CORO7: variants seen among roughly 807,000 people sequenced by gnomAD.
The protein encoded by CORO7 is coronin 7, also known as coronin-7.
In CORO7, 107 loss-of-function variants were observed where a neutral mutation model predicts 126.6. The observed-to-expected ratio is 0.85, with a 90% confidence interval of 0.72 to 0.99. The LOEUF (loss-of-function observed/expected upper bound fraction) is 0.99, where lower values mean the gene tolerates loss of function less well. Among genes scored for constraint, CORO7 ranks in the 50% least tolerant of loss-of-function variants. The pLI, the probability that CORO7 is intolerant of heterozygous loss-of-function variation, is 0.00. For missense variants in CORO7, 1,314 were observed against 1,255.8 expected (o/e 1.05, Z -0.70); for synonymous variants, 603 against 536.8 (o/e 1.12, Z -1.70).
intron 9 of CORO7, among the ~76,000 whole-genome samples, chr16:4,366,164 C>T (rs556019103): frequency 2.1e-3 from 326 of 152,334 alleles, no homozygotes; most frequent in Non-Finnish European, 3.8e-3. Context: ...GGGGCTCCTC[C>T]GGCCGCTGGG....
At chr16:4,397,073 T>TA (rs1224397191) in intron 6 of CORO7, among the ~76,000 whole-genome samples, 11 of 140,598 alleles carry the variant, frequency 7.8e-5, no homozygotes, top group African/African-American at 2.4e-4. Flanking sequence ...CCAGTACAGA[T>TA]AAAAAAAACT....
chr16:4,388,002 A>G lies in CORO7; in HGVS notation c.769T>C (p.Leu257=). ...AGCTCCTACCCAAGCGAGGTGTCCA[A>G]GGTGAGGGAGGCCAGGGCGCTGGAG... is the stretch of plus-strand genomic sequence containing the variant. ...FFSSALASLT[L]DTSLGCLVPL... is the part of the protein sequence containing the mutation. Residue 257 remains leucine (L), a synonymous_variant, in exon 9 of 28, where the codon TTG becomes CTG. Coordinates refer to ENST00000251166, the MANE Select transcript of CORO7 (RefSeq NM_024535.5). 6.2e-7 allele frequency: 1 copy of G among 1,613,102 alleles called. No individual in the cohort carries two copies. The highest frequency in any genetic ancestry group is 8.5e-7 in the Non-Finnish European group (1 of 1,179,906).
rs761783958 is a variant in CORO7, at chr16:4,408,254, G to C, written c.233-3C>G. 6.2e-7 allele frequency: 1 copy of C among 1,614,244 alleles called. No homozygotes were observed. Among genetic ancestry groups the C allele is most frequent in the Non-Finnish European group, 8.5e-7 (1 of 1,180,046 alleles). On this transcript the variant is annotated splice_polypyrimidine_tract_variant and splice_region_variant and intron_variant, in intron 3 of 27. Coordinates refer to ENST00000251166, the MANE Select transcript of CORO7 (RefSeq NM_024535.5). ...GAAGTCCAAGTCGGTGACTAGGTCTGTGGGAGAGGAATGGCTGAACCCACC... is the reference window on the plus strand; with the variant it reads ...GAAGTCCAAGTCGGTGACTAGGTCTCTGGGAGAGGAATGGCTGAACCCACC...
chr16:4,403,430 C>T (rs1013884630), intron 6 of CORO7, among the ~76,000 whole-genome samples: 6 of 152,148 alleles, frequency 3.9e-5, no homozygotes, highest in East Asian at 1.9e-4. Flanking sequence ...GGCAATGCTG[C>T]GTCCCCGCAG....
Position 4,408,428 on chromosome 16 carries a change from T to C in CORO7, c.233-177A>G, listed in dbSNP as rs760886531. 1.6e-4 allele frequency among the ~76,000 whole-genome samples: 25 copies of C among 152,226 alleles called. 1 individual carries two copies. The highest frequency in any genetic ancestry group is 2.1e-4 in the Non-Finnish European group (14 of 68,000). On this transcript the variant is annotated intron_variant, in intron 3 of 27. Transcript: ENST00000251166. ...CCACAGGCCCCTCCTGCGACATACG[T>C]CCCCGAGGGCCCTGCTGACCCAGGG...
intron 26 of CORO7, 85 bp from the exon 27 acceptor site, chr16:4,355,457 T>G: frequency 7.1e-7 from 1 of 1,412,382 alleles, no homozygotes; most frequent in Non-Finnish European, 9.5e-7. Flanking sequence ...CTGACAAGGC[T>G]GTGAAAAGAA....
At chr16:4,406,861 G>T (rs916876343) in intron 5 of CORO7, among the ~76,000 whole-genome samples, 1 of 151,380 alleles carries the variant, frequency 6.6e-6, no homozygotes, top group Non-Finnish European at 1.5e-5. Flanking sequence ...GGCTAGTCTC[G>T]AACTCCTGAC....
At chr16:4,406,364 T>G (rs376014933) in intron 5 of CORO7, among the ~76,000 whole-genome samples, 3 of 152,188 alleles carry the variant, frequency 2.0e-5, no homozygotes, top group East Asian at 3.9e-4. Context: ...GGTGTGATCA[T>G]AGCTAACTGC....
rs2054081351 is a variant in CORO7 at position 4,359,285 on chromosome 16, G to A, written c.2340+11C>T. On this transcript the variant is annotated intron_variant, in intron 23 of 27. Coordinates refer to ENST00000251166, the MANE Select transcript of CORO7 (RefSeq NM_024535.5). ...GGTCCCATCGGGGACGAGGCGCCAG[G>A]GTGGCCTCACCTTGTGGGGGTCAGG... is the stretch of plus-strand genomic sequence containing the variant. The A allele has an allele frequency of 3.8e-6, 6 of 1,593,832 alleles. No homozygotes were observed.
chr16:4,364,816 C>T lies in CORO7; in HGVS notation c.1003G>A (p.Asp335Asn), dbSNP rs200036169. ...CEVLRVLQLSDTAIVPIGYHV... is the reference protein window; with the variant it reads ...CEVLRVLQLSNTAIVPIGYHV... ...TAGCCGATGGGCACGATGGCTGTGTCGCTCAGCTGTAGGACGCGGAGTACC... is the reference window on the plus strand; with the variant it reads ...TAGCCGATGGGCACGATGGCTGTGTTGCTCAGCTGTAGGACGCGGAGTACC... Residue 335 changes from aspartate (D) to asparagine (N), a missense_variant, in exon 12 of 28, where the codon GAC (aspartate) becomes AAC (asparagine). Coordinates refer to ENST00000251166, the MANE Select transcript of CORO7 (RefSeq NM_024535.5). The T allele has an allele frequency of 9.3e-5, 150 of 1,612,078 alleles. 1 individual carries two copies. In the East Asian group the frequency reaches 1.1e-3, roughly 12 times the overall value.
Position 4,415,310 on chromosome 16 carries a change from A to C in CORO7, c.60+1149T>G, listed in dbSNP as rs533007451. On this transcript the variant is annotated intron_variant, in intron 1 of 27. Coordinates refer to ENST00000251166, the MANE Select transcript of CORO7 (RefSeq NM_024535.5). ...ACTCATGCTCACTTTCCATTTCTCC[A>C]CCAGGCTCTTTCTCAATTCTCACCC... is the stretch of plus-strand genomic sequence containing the variant. Among the ~76,000 whole-genome samples the C allele has an allele frequency of 1.9e-3, 286 of 152,072 alleles. 1 individual carries two copies. The highest frequency in any genetic ancestry group is 6.4e-3 in the African/African-American group (265 of 41,474).
Position 4,407,689 on chromosome 16 carries a change from A to G in CORO7, c.304-5T>C, listed in dbSNP as rs527782954. 63 of 1,577,862 alleles carry G rather than the reference A, an allele frequency of 4.0e-5. 1 individual carries two copies. In the South Asian group the frequency reaches 5.7e-4, roughly 14 times the overall value. ...TGGCAGTCGCCAGAGTTTTACCTGCAAGAAAGACCAAGTCCGTGAGCACAG... is the reference window on the plus strand; with the variant it reads ...TGGCAGTCGCCAGAGTTTTACCTGCGAGAAAGACCAAGTCCGTGAGCACAG... On this transcript the variant is annotated splice_region_variant and splice_polypyrimidine_tract_variant and intron_variant, in intron 4 of 27. Coordinates refer to ENST00000251166, the MANE Select transcript of CORO7 (RefSeq NM_024535.5).
intron 7 of CORO7, among the ~76,000 whole-genome samples, chr16:4,391,461 C>G (rs375192382): frequency 6.6e-5 from 10 of 152,270 alleles, no homozygotes; most frequent in African/African-American, 2.2e-4. Context: ...GAGGCTGAGG[C>G]GGGAGAATCG....
chr16:4,388,292 T>C (rs1036656149), intron 8 of CORO7, among the ~76,000 whole-genome samples: 2 of 152,174 alleles, frequency 1.3e-5, no homozygotes, highest in African/African-American at 4.8e-5. Flanking sequence ...GGCGGTTCCC[T>C]CTGTGTTCTC....
At chr16:4,413,576 C>T in intron 1 of CORO7, 172 bp from the exon 2 acceptor site, 6 of 590,342 alleles carry the variant, frequency 1.0e-5, no homozygotes, top group South Asian at 8.9e-5. Context: ...CTCACTCTGT[C>T]ACCCAGGCTA....
At chr16:4,410,379 T>C (rs1464204317) in intron 3 of CORO7, among the ~76,000 whole-genome samples, 1 of 152,080 alleles carries the variant, frequency 6.6e-6, no homozygotes, top group African/African-American at 2.4e-5. Flanking sequence ...GAACTATGAT[T>C]GCACCACCAC....
At chr16:4,360,193 A>G in intron 21 of CORO7, 85 bp downstream of exon 21, 1 of 1,575,552 alleles carries the variant, frequency 6.3e-7, no homozygotes, top group East Asian at 2.3e-5. Context: ...ATGGTTTCTG[A>G]AAGCCTGACA....
intron 9 of CORO7, among the ~76,000 whole-genome samples, chr16:4,386,448 G>A (rs182248865): frequency 9.1e-4 from 139 of 152,298 alleles, no homozygotes; most frequent in Admixed American, 2.8e-3. Flanking sequence ...GCCTCCACTG[G>A]GGGCCCTGCA....
intron 7 of CORO7, among the ~76,000 whole-genome samples, chr16:4,393,172 T>C (rs2055458145): frequency 6.6e-6 from 1 of 152,052 alleles, no homozygotes; most frequent in Non-Finnish European, 1.5e-5. Context: ...GGCAGAAGCA[T>C]AGGTGCCCCA....
Sources: gnomAD v4.1 joint callset for allele counts (sites outside exome capture counted in the v4.1 genomes callset) on GRCh38, gnomAD v4.1.1 for gene constraint, MANE v1.5 for transcripts, NCBI Gene and HGNC (gene_info 2026-07-23, HGNC 2026-07-21) for gene names.